ZBED6: variants seen among roughly 807,000 people sequenced by gnomAD.
The protein encoded by ZBED6 is zinc finger BED domain-containing protein 6.
A neutral mutation model predicts 58.4 loss-of-function variants in ZBED6; 40 were observed. The ratio of observed to expected loss-of-function variants is 0.68; its 90% CI spans 0.53 to 0.89. The LOEUF (loss-of-function observed/expected upper bound fraction) is 0.89. ZBED6 is among the 40% of genes least tolerant of loss of function. The probability of loss-of-function intolerance (pLI) is 0.00; values close to 1 mark genes in which losing one functional copy is unlikely to be tolerated. For synonymous variants in ZBED6, 439 were observed against 350.6 expected (o/e 1.25, Z -2.82); for missense variants, 1,057 against 1,003.9 (o/e 1.05, Z -0.71).
At chr1:203,829,563 C>T in exon 5 of ZBED6, 2 of 1,613,988 alleles carry the variant, frequency 1.2e-6, no homozygotes, top group Non-Finnish European at 8.5e-7. Context: ...AGCTGCGGAG[C>T]GTTATGAAAG....
intron 10 of ZBED6, among the ~76,000 whole-genome samples, chr1:203,839,897 G>A (rs58980995): frequency 6.6e-6 from 1 of 152,000 alleles, no homozygotes; most frequent in African/African-American, 2.4e-5. Flanking sequence ...TCCACCTCCC[G>A]GGTTCAAACG....
intron 1 of ZBED6, among the ~76,000 whole-genome samples, chr1:203,812,727 G>A (rs1290126086): frequency 6.6e-6 from 1 of 151,680 alleles, no homozygotes; most frequent in Non-Finnish European, 1.5e-5. Flanking sequence ...GATTACAGGT[G>A]TGTGCTACCA....
exon 1 of ZBED6, chr1:203,796,320 A>G (rs914877219): frequency 1.0e-5 from 4 of 398,204 alleles, no homozygotes; most frequent in East Asian, 3.6e-5. Context: ...GCTTGTCTCA[A>G]ACTCCACATA....
chr1:203,796,445 T>C (rs1009113161), exon 1 of ZBED6: 1 of 398,954 alleles, frequency 2.5e-6, no homozygotes, highest in Non-Finnish European at 4.4e-6. Flanking sequence ...TCCGTTCTCC[T>C]TGTAGGACTG....
chr1:203,816,313 C>T (rs781506828), intron 1 of ZBED6, among the ~76,000 whole-genome samples: 8 of 152,054 alleles, frequency 5.3e-5, no homozygotes, highest in Non-Finnish European at 1.0e-4. Context: ...TATATACATA[C>T]ATATATACAT....
intron 10 of ZBED6, 125 bp downstream of exon 10, chr1:203,838,189 A>C: frequency 2.2e-6 from 2 of 909,850 alleles, no homozygotes; most frequent in Non-Finnish European, 1.6e-6. Context: ...TTGTTATATT[A>C]TTCACTCAAC....
chr1:203,825,753 A>G (rs924890378), intron 3 of ZBED6, among the ~76,000 whole-genome samples: 2 of 152,114 alleles, frequency 1.3e-5, no homozygotes, highest in African/African-American at 4.8e-5. Flanking sequence ...GGAAAAATGT[A>G]CAGAATTACA....
At chr1:203,851,034 T>C in intron 15 of ZBED6, 23 bp from the exon 16 acceptor site, 2 of 1,613,154 alleles carry the variant, frequency 1.2e-6, no homozygotes, top group Non-Finnish European at 1.7e-6. Context: ...TCTCACTGAA[T>C]TACCTGACTC....
At chr1:203,806,123 T>A in intron 1 of ZBED6, 1 of 503,170 alleles carries the variant, frequency 2.0e-6, no homozygotes, top group Non-Finnish European at 4.0e-6. Flanking sequence ...CTCATCTTGA[T>A]CTGGTCCTTA....
In ZBED6 at chr1:203,798,237, G is replaced by A. The variant is rs890271721; in HGVS notation, c.715G>A (p.Ala239Thr). 4.6e-6 allele frequency: 7 copies of A among 1,536,100 alleles called. No individual in the cohort carries two copies. The South Asian group carries it at 4.8e-5, about 10-fold the overall frequency. The change falls in exon 1 of 17, where the codon GCC becomes ACC. Residue 239 changes from alanine (A) to threonine (T), a missense_variant. Transcript: ENST00000550078. The stretch of plus-strand genomic sequence containing the variant: ...GAAGCATGATAAATCAGCATCTGAT[G>A]CCCTAAGGGCAGAAAGAGGGAGATT...
At chr1:203,846,574 C>T (rs1346878300) in intron 11 of ZBED6, among the ~76,000 whole-genome samples, 1 of 152,138 alleles carries the variant, frequency 6.6e-6, no homozygotes, top group African/African-American at 2.4e-5. Flanking sequence ...AATTATTGAT[C>T]TGTTAGACTG....
At chr1:203,835,847 C>CT in intron 9 of ZBED6, 1 of 241,810 alleles carries the variant, frequency 4.1e-6, no homozygotes, top group Non-Finnish European at 9.1e-6. Flanking sequence ...CTATGTGCTC[C>CT]CTTTTTTTCC....
intron 11 of ZBED6, among the ~76,000 whole-genome samples, chr1:203,841,855 C>T (rs189709785): frequency 0.019 from 2,692 of 138,942 alleles, 72 homozygotes; most frequent in African/African-American, 0.06. Context: ...GGGCGGCTGC[C>T]GGGCGGAGGG....
At chr1:203,816,044 A>G (rs1676269363) in intron 1 of ZBED6, among the ~76,000 whole-genome samples, 1 of 152,188 alleles carries the variant, frequency 6.6e-6, no homozygotes, top group Non-Finnish European at 1.5e-5. Context: ...TCATTAACGT[A>G]AGCTAGATCG....
At chr1:203,842,428 C>T (rs944042036) in intron 11 of ZBED6, among the ~76,000 whole-genome samples, 1 of 152,162 alleles carries the variant, frequency 6.6e-6, no homozygotes. Flanking sequence ...GAAACCCCGT[C>T]TCCACCAAAA....
chr1:203,818,740 G>C, intron 3 of ZBED6, 51 bp downstream of exon 3: 1 of 1,610,876 alleles, frequency 6.2e-7, no homozygotes, highest in South Asian at 1.1e-5. Context: ...GACCTGGTGG[G>C]CCAATAAAAA....
chr1:203,797,332 G>A (rs1027777341), exon 1 of ZBED6: 5 of 507,906 alleles, frequency 9.8e-6, no homozygotes, highest in South Asian at 3.2e-5. Context: ...GAAAGAGTTC[G>A]GGAATGTTCT....
intron 10 of ZBED6, 99 bp from the exon 11 acceptor site, chr1:203,840,207 G>T: frequency 8.5e-7 from 1 of 1,180,168 alleles, no homozygotes; most frequent in South Asian, 1.4e-5. Context: ...CCAAAGTTCT[G>T]GGATTACAGG....
chr1:203,817,500 C>A (rs546038524), intron 2 of ZBED6, among the ~76,000 whole-genome samples: 2 of 151,012 alleles, frequency 1.3e-5, no homozygotes, highest in African/African-American at 4.8e-5. Flanking sequence ...TTGTGTTGTA[C>A]TTCCAGAAAC....
Sources: allele counts gnomAD v4.1 joint callset (sites outside exome capture counted in the v4.1 genomes callset), GRCh38; gene constraint gnomAD v4.1.1; transcripts MANE v1.5; gene names NCBI Gene and HGNC (gene_info 2026-07-23, HGNC 2026-07-21).